ENTPD1: variants seen among roughly 807,000 people sequenced by gnomAD.
ENTPD1 encodes the protein ectonucleoside triphosphate diphosphohydrolase 1.
A neutral mutation model predicts 57.0 loss-of-function variants in ENTPD1; 33 were observed. That is an observed-to-expected ratio of 0.58 (90% confidence interval 0.44 to 0.77). The LOEUF is 0.77. ENTPD1 is among the 30% of genes least tolerant of loss of function. ENTPD1 has a pLI of 0.00. For missense variants in ENTPD1, 501 were observed against 603.4 expected, an observed-to-expected ratio of 0.83 and a Z score of 1.78; for synonymous variants, 202 against 218.8, an observed-to-expected ratio of 0.92 and a Z score of 0.68.
chr10:95,777,020 G>A (rs1046523767), intron 1 of ENTPD1, among the ~76,000 whole-genome samples: 4 of 152,256 alleles, frequency 2.6e-5, no homozygotes, highest in Non-Finnish European at 5.9e-5. Flanking sequence ...ATTCTAGTTA[G>A]CCATTTATCT....
At chr10:95,739,219 T>C (rs1589659972) in intron 1 of ENTPD1, among the ~76,000 whole-genome samples, 2 of 152,264 alleles carry the variant, frequency 1.3e-5, no homozygotes, top group African/African-American at 4.8e-5. Context: ...TTGCCGAAGG[T>C]TGGGGTGGCT....
intron 5 of ENTPD1, 84 bp downstream of exon 5, chr10:95,844,719 A>AGAAT (rs1303674408): frequency 5.4e-6 from 8 of 1,476,620 alleles, no homozygotes; most frequent in Admixed American, 1.7e-5. Context: ...GTCGCTAGCC[A>AGAAT]GAATGAATGA....
intron 1 of ENTPD1, among the ~76,000 whole-genome samples, chr10:95,758,879 G>T (rs1023725621): frequency 2.0e-5 from 3 of 152,184 alleles, no homozygotes; most frequent in Admixed American, 6.5e-5. Context: ...AAGGTGTCAG[G>T]TTTCAATGAC....
chr10:95,796,268 A>G (rs2098225501), intron 1 of ENTPD1, among the ~76,000 whole-genome samples: 1 of 152,172 alleles, frequency 6.6e-6, no homozygotes, highest in South Asian at 2.1e-4. Flanking sequence ...CACAAGTTAA[A>G]GGCTATTATA....
At chr10:95,781,866 A>C (rs2098159403) in intron 1 of ENTPD1, among the ~76,000 whole-genome samples, 1 of 152,212 alleles carries the variant, frequency 6.6e-6, no homozygotes, top group Non-Finnish European at 1.5e-5. Flanking sequence ...CTCCCACTAA[A>C]GCAAAAATGT....
chr10:95,786,961 G>A (rs1373227179), intron 1 of ENTPD1, among the ~76,000 whole-genome samples: 1 of 152,114 alleles, frequency 6.6e-6, no homozygotes. Flanking sequence ...TGTCAAGTAG[G>A]TATTACCATT....
rs2098418608 is a variant in ENTPD1, at chr10:95,839,740, A to G, written c.194A>G (p.Tyr65Cys). 3.7e-6 allele frequency: 6 copies of G among 1,613,972 alleles called. No individual in the cohort carries two copies. The highest frequency in any genetic ancestry group is 1.3e-5 in the African/African-American group (1 of 74,884). ...AGSSHTSLYI[Y>C]KWPAEKENDT... ...TCTTCTCACACAAGTTTATACATCTATAAGTGGCCAGCAGAAAAGGAGAAT... is the reference window on the plus strand; with the variant it reads ...TCTTCTCACACAAGTTTATACATCTGTAAGTGGCCAGCAGAAAAGGAGAAT... The change falls in exon 3 of 10, where the codon TAT (tyrosine) becomes TGT (cysteine). Residue 65 changes from tyrosine to cysteine, a missense_variant. Physicochemically the swap from Tyr to Cys is radical, Grantham distance 194 (BLOSUM62 -2). Transcript: ENST00000371205.
intron 7 of ENTPD1, 145 bp from the exon 8 acceptor site, chr10:95,860,324 G>A: frequency 1.5e-6 from 1 of 648,744 alleles, no homozygotes; most frequent in South Asian, 1.6e-5. Context: ...GAAGGAAACA[G>A]CTCTTGGGCC....
intron 1 of ENTPD1, among the ~76,000 whole-genome samples, chr10:95,757,547 G>A (rs2098032805): frequency 2.0e-5 from 3 of 152,148 alleles, no homozygotes. Flanking sequence ...GTCTGTGAAG[G>A]AATTTGTACT....
intron 1 of ENTPD1, among the ~76,000 whole-genome samples, chr10:95,742,541 C>T (rs377559641): frequency 3.6e-5 from 5 of 140,690 alleles, no homozygotes; most frequent in Admixed American, 1.4e-4. Context: ...TTTCTTTTTT[C>T]TTTTTTTTTT....
At chr10:95,796,493 C>A (rs1052412392) in intron 1 of ENTPD1, among the ~76,000 whole-genome samples, 5 of 152,044 alleles carry the variant, frequency 3.3e-5, no homozygotes, top group Non-Finnish European at 7.4e-5. Context: ...GAACATTTTA[C>A]TATAAGGCAG....
the ENTPD1 span, among the ~76,000 whole-genome samples, chr10:95,705,928 T>A: frequency 3.3e-5 from 5 of 152,154 alleles, no homozygotes; most frequent in Non-Finnish European, 7.4e-5. Flanking sequence ...TGAGACCTCG[T>A]CTCTATGAAA....
chr10:95,866,177 A>C lies in ENTPD1; in HGVS notation c.1327A>C (p.Ile443Leu). 6.2e-7 allele frequency: 1 copy of C among 1,613,134 alleles called. No homozygotes were observed. Among genetic ancestry groups the C allele is most frequent in the Admixed American group, 1.7e-5 (1 of 59,886 alleles). The change falls in exon 10 of 10, where the codon ATC becomes CTC. Residue 443 changes from isoleucine (I) to leucine (L), a missense_variant and splice_region_variant. Transcript: ENST00000371205. ...SWEHIHFIGK[I>L]QGSDAGWTLG... ...AACAGACTTTCCCCACTGTTTGCAGATCCAGGGCAGCGACGCCGGCTGGAC... is the reference window on the plus strand; with the variant it reads ...AACAGACTTTCCCCACTGTTTGCAGCTCCAGGGCAGCGACGCCGGCTGGAC...
intron 1 of ENTPD1, among the ~76,000 whole-genome samples, chr10:95,724,241 C>T (rs531621750): frequency 1.3e-5 from 2 of 150,616 alleles, no homozygotes; most frequent in South Asian, 2.1e-4. Context: ...CCACACTAAT[C>T]GTTTTTAACT....
intron 1 of ENTPD1, among the ~76,000 whole-genome samples, chr10:95,744,199 C>T (rs895335494): frequency 6.6e-6 from 1 of 151,806 alleles, no homozygotes; most frequent in Non-Finnish European, 1.5e-5. Context: ...AAGCCTGACT[C>T]CTATTGTCTG....
chr10:95,856,631 G>A (rs968391138), intron 7 of ENTPD1, among the ~76,000 whole-genome samples: 3 of 140,480 alleles, frequency 2.1e-5, no homozygotes, highest in African/African-American at 7.9e-5. Context: ...AAGAAAATGT[G>A]GTAAATATAT....
At chr10:95,739,198 C>T (rs1453987157) in intron 1 of ENTPD1, among the ~76,000 whole-genome samples, 1 of 152,172 alleles carries the variant, frequency 6.6e-6, no homozygotes. Flanking sequence ...GCTGACTGAT[C>T]AGCGTGGTGG....
At chr10:95,836,012 GGTAGGGGT>G (rs1316732806) in intron 2 of ENTPD1, among the ~76,000 whole-genome samples, 1 of 152,078 alleles carries the variant, frequency 6.6e-6, no homozygotes, top group Non-Finnish European at 1.5e-5. Flanking sequence ...TATTGTGAGA[GGTAGGGGT>G]GTAGTTTCAT....
chr10:95,807,518 G>C (rs754053438), intron 1 of ENTPD1, among the ~76,000 whole-genome samples: 1 of 152,186 alleles, frequency 6.6e-6, no homozygotes, highest in Non-Finnish European at 1.5e-5. Flanking sequence ...GGCTGCACCC[G>C]TTGTCCAACC....
Sources: allele counts gnomAD v4.1 joint callset (sites outside exome capture counted in the v4.1 genomes callset), GRCh38; gene constraint gnomAD v4.1.1; transcripts MANE v1.5; gene names NCBI Gene and HGNC (gene_info 2026-07-23, HGNC 2026-07-21).